MICAL2: variants seen among roughly 807,000 people sequenced by gnomAD.
The protein encoded by MICAL2 is microtubule associated monooxygenase, calponin and LIM domain containing 2, also known as [F-actin]-monooxygenase MICAL2.
A neutral mutation model predicts 127.3 loss-of-function variants in MICAL2; 77 were observed. The ratio of observed to expected loss-of-function variants is 0.60; its 90% confidence interval spans 0.50 to 0.73. MICAL2 has a LOEUF of 0.73. MICAL2 is among the 30% of genes least tolerant of loss of function. The pLI, the probability that MICAL2 is intolerant of heterozygous loss-of-function variation, is 0.00. For missense variants in MICAL2, 1,351 were observed against 1,434.4 expected, an observed-to-expected ratio of 0.94 and a Z score of 0.94; for synonymous variants, 570 against 551.1, an observed-to-expected ratio of 1.03 and a Z score of -0.48.
chr11:12,139,901 G>A (rs1466692952), intron 2 of MICAL2, among the ~76,000 whole-genome samples: 1 of 152,174 alleles, frequency 6.6e-6, no homozygotes, highest in Non-Finnish European at 1.5e-5. Context: ...CACACGTGCT[G>A]TTCTTCTCTC....
At chr11:12,127,710 C>G (rs1052028941) in intron 1 of MICAL2, among the ~76,000 whole-genome samples, 5 of 152,072 alleles carry the variant, frequency 3.3e-5, no homozygotes, top group Non-Finnish European at 5.9e-5. Context: ...TTTGACTAGG[C>G]AGTAGGGAGT....
chr11:12,358,589 A>T, downstream of MICAL2: 1 of 776,464 alleles, frequency 1.3e-6, no homozygotes, highest in Non-Finnish European at 2.0e-6. Context: ...GGAACTTGTT[A>T]TACCTTACTG....
At chr11:12,120,259 G>A (rs1287262817) in intron 1 of MICAL2, among the ~76,000 whole-genome samples, 1 of 152,252 alleles carries the variant, frequency 6.6e-6, no homozygotes, top group Non-Finnish European at 1.5e-5. Flanking sequence ...TGACAGAGAT[G>A]AGTTTATCTT....
At position 12,226,196 on chromosome 11, in the gene MICAL2, G is replaced by T; in HGVS notation, c.1714G>T (p.Asp572Tyr). 6.2e-7 allele frequency: 1 copy of T among 1,614,250 alleles called. No individual in the cohort carries two copies. Among genetic ancestry groups the T allele is most frequent in the South Asian group, 1.1e-5 (1 of 91,086 alleles). Reference sequence around the variant, plus strand: ...CAACTTTGACTCTTTGAATGAAGATGATGCTGTGGAGAACAACCAGCTCGC... The same window carrying T: ...CAACTTTGACTCTTTGAATGAAGATTATGCTGTGGAGAACAACCAGCTCGC... ...LINFDSLNEDDAVENNQLAFD... is the reference protein window; with the variant it reads ...LINFDSLNEDYAVENNQLAFD... Residue 572 changes from aspartate to tyrosine, a missense_variant, in exon 14 of 28, where the codon GAT becomes TAT. Physicochemically the swap from Asp to Tyr is radical, Grantham distance 160. This residue lies in a region of MICAL2 where 752 missense variants were observed against 719.4 expected (regional missense o/e 1.05). Coordinates refer to ENST00000683283, the MANE Select transcript of MICAL2 (RefSeq NM_001282663.2).
chr11:12,227,469 T>A (rs1226313793), intron 15 of MICAL2, among the ~76,000 whole-genome samples: 3 of 152,220 alleles, frequency 2.0e-5, no homozygotes, highest in Non-Finnish European at 4.4e-5. Context: ...GCAGTTTAGA[T>A]CTGGAACATG....
At chr11:12,222,559 G>A (rs1856947592) in intron 10 of MICAL2, 58 bp from the exon 11 acceptor site, 2 of 1,610,018 alleles carry the variant, frequency 1.2e-6, no homozygotes, top group East Asian at 2.2e-5. Context: ...GGAAGGGTGG[G>A]GACAAGGCCT....
intron 3 of MICAL2, among the ~76,000 whole-genome samples, chr11:12,176,721 A>C (rs1856884034): frequency 6.6e-6 from 1 of 152,216 alleles, no homozygotes; most frequent in Non-Finnish European, 1.5e-5. Context: ...TGAGTGGAAT[A>C]ATATAGTATT....
chr11:12,204,341 A>G lies in MICAL2; in HGVS notation c.356A>G (p.Asp119Gly), dbSNP rs1854402659. 1.2e-6 allele frequency: 2 copies of G among 1,612,996 alleles called. No individual in the cohort carries two copies. Among genetic ancestry groups the G allele is most frequent in the African/African-American group, 1.3e-5 (1 of 74,656 alleles). The change falls in exon 4 of 28, where the codon GAC becomes GGC. Residue 119 changes from aspartate (D) to glycine (G), a missense_variant. Coordinates refer to ENST00000683283, the MANE Select transcript of MICAL2 (RefSeq NM_001282663.2). ...GAKVVVVEKR[D>G]SFSRNNVLHL... is the part of the protein sequence containing the mutation. ...AAAGTGGTCGTGGTGGAGAAGAGGGACTCCTTCTCCCGGAACAACGTGCTA... is the reference window on the plus strand; with the variant it reads ...AAAGTGGTCGTGGTGGAGAAGAGGGGCTCCTTCTCCCGGAACAACGTGCTA...
At chr11:12,343,250 A>T (rs534054390) in intron 32 of MICAL2, among the ~76,000 whole-genome samples, 1 of 152,110 alleles carries the variant, frequency 6.6e-6, no homozygotes, top group South Asian at 2.1e-4. Flanking sequence ...TCTACTAAAA[A>T]TACAAAAATT....
chr11:12,214,790 C>G (rs1163736469), intron 7 of MICAL2, among the ~76,000 whole-genome samples: 1 of 152,076 alleles, frequency 6.6e-6, no homozygotes. Context: ...GACCATAGGG[C>G]CCACAGGCCA....
intron 1 of MICAL2, among the ~76,000 whole-genome samples, chr11:12,124,551 C>T (rs1335267643): frequency 6.6e-6 from 1 of 152,214 alleles, no homozygotes; most frequent in Non-Finnish European, 1.5e-5. Context: ...GAGATTGCAC[C>T]AGGCAGCTTA....
chr11:12,320,030 G>GA (rs961717428), intron 30 of MICAL2, among the ~76,000 whole-genome samples: 64 of 148,146 alleles, frequency 4.3e-4, no homozygotes, highest in South Asian at 4.3e-4. Context: ...AAATTTGGGA[G>GA]AAAAAAAAAA....
intron 30 of MICAL2, among the ~76,000 whole-genome samples, chr11:12,322,195 A>G (rs1565304872): frequency 6.6e-6 from 1 of 152,180 alleles, no homozygotes; most frequent in South Asian, 2.1e-4. Flanking sequence ...TTTATTACGT[A>G]GGTTAGTATA....
At chr11:12,148,612 A>AT (rs1423460371) in intron 2 of MICAL2, among the ~76,000 whole-genome samples, 1 of 152,116 alleles carries the variant, frequency 6.6e-6, no homozygotes, top group Admixed American at 6.6e-5. Context: ...ATTGTGTGCG[A>AT]TACTCTTGAT....
chr11:12,167,904 GA>G (rs1297203573), intron 3 of MICAL2, among the ~76,000 whole-genome samples: 1 of 152,126 alleles, frequency 6.6e-6, no homozygotes, highest in African/African-American at 2.4e-5. Context: ...ATATGGAGAA[GA>G]AAAAACTTTC....
At chr11:12,251,487 C>A (rs1463097996) in intron 22 of MICAL2, among the ~76,000 whole-genome samples, 1 of 148,302 alleles carries the variant, frequency 6.7e-6, no homozygotes, top group South Asian at 2.2e-4. Context: ...TGGTCTACCT[C>A]TTGGTGATTC....
chr11:12,359,334 CAAAAA>C (rs138650957), downstream of MICAL2, among the ~76,000 whole-genome samples: 62 of 137,306 alleles, frequency 4.5e-4, no homozygotes, highest in Non-Finnish European at 5.1e-4. Flanking sequence ...TTGATGATGG[CAAAAA>C]AAAAAAAAAA....
intron 33 of MICAL2, among the ~76,000 whole-genome samples, chr11:12,353,020 C>T (rs962497236): frequency 3.9e-5 from 6 of 152,208 alleles, no homozygotes; most frequent in African/African-American, 1.4e-4. Flanking sequence ...AGAAAGTTCT[C>T]TTAAAGGAAG....
intron 3 of MICAL2, among the ~76,000 whole-genome samples, chr11:12,194,540 T>A (rs908811657): frequency 6.6e-6 from 1 of 152,242 alleles, no homozygotes; most frequent in Admixed American, 6.5e-5. Context: ...TTTCCCCACA[T>A]GTAGGTTACA....
Sources: gnomAD v4.1 joint callset for allele counts (sites outside exome capture counted in the v4.1 genomes callset) on GRCh38, gnomAD v4.1.1 for gene constraint, gnomAD v4.1.1 regional missense constraint, MANE v1.5 for transcripts, NCBI Gene and HGNC (gene_info 2026-07-23, HGNC 2026-07-21) for gene names.